NKAIN2: variants seen among roughly 807,000 people sequenced by gnomAD.
NKAIN2 encodes sodium/potassium-transporting ATPase subunit beta-1-interacting protein 2.
NKAIN2 carries 14 observed loss-of-function variants against 32.6 expected under a neutral mutation model. The ratio of observed to expected loss-of-function variants is 0.43; its 90% CI spans 0.28 to 0.67. The LOEUF (loss-of-function observed/expected upper bound fraction) is 0.67, where lower values mean the gene tolerates loss of function less well. NKAIN2 is among the 30% of genes least tolerant of loss of function. The pLI is 0.17. For synonymous variants in NKAIN2, 80 were observed against 87.2 expected, an observed-to-expected ratio of 0.92 and a Z score of 0.46; for missense variants, 198 against 258.3, an observed-to-expected ratio of 0.77 and a Z score of 1.60.
At chr6:123,945,435 T>C (rs1777020166) in intron 1 of NKAIN2, among the ~76,000 whole-genome samples, 1 of 152,126 alleles carries the variant, frequency 6.6e-6, no homozygotes, top group Admixed American at 6.6e-5. Context: ...AAAATTTAAA[T>C]CTAAGGGCCT....
chr6:123,837,213 CT>C (rs559146193), intron 1 of NKAIN2, among the ~76,000 whole-genome samples: 51 of 148,000 alleles, frequency 3.4e-4, no homozygotes, highest in African/African-American at 9.2e-4. Flanking sequence ...TTATACCTGA[CT>C]TTTTTTTTTC....
intron 1 of NKAIN2, among the ~76,000 whole-genome samples, chr6:124,147,283 A>C (rs987001784): frequency 6.6e-6 from 1 of 152,196 alleles, no homozygotes; most frequent in Non-Finnish European, 1.5e-5. Flanking sequence ...TGTTCAGGTC[A>C]TCCCTCACTA....
At chr6:124,014,348 T>C (rs949179364) in intron 1 of NKAIN2, among the ~76,000 whole-genome samples, 1 of 152,172 alleles carries the variant, frequency 6.6e-6, no homozygotes, top group African/African-American at 2.4e-5. Flanking sequence ...GACTATACAA[T>C]ATTGTAACTG....
chr6:124,275,714 C>T (rs994405281), intron 1 of NKAIN2, among the ~76,000 whole-genome samples: 1 of 151,902 alleles, frequency 6.6e-6, no homozygotes, highest in Non-Finnish European at 1.5e-5. Flanking sequence ...CATTTGTAAC[C>T]AATAGAATAA....
chr6:124,333,993 A>T (rs961017260), intron 2 of NKAIN2, among the ~76,000 whole-genome samples: 2 of 152,176 alleles, frequency 1.3e-5, no homozygotes, highest in South Asian at 2.1e-4. Context: ...TGACCATTTT[A>T]AAAAAAAGTT....
chr6:124,269,305 C>T (rs1373787924), intron 1 of NKAIN2, among the ~76,000 whole-genome samples: 1 of 152,102 alleles, frequency 6.6e-6, no homozygotes, highest in Non-Finnish European at 1.5e-5. Flanking sequence ...ACTAGGGTTA[C>T]TTCAAAGGGC....
In NKAIN2 at chr6:124,563,105, T is replaced by C. The variant is rs561266664; in HGVS notation, c.274-95081T>C. On this transcript the variant is annotated intron_variant, in intron 3 of 6. Coordinates refer to ENST00000368417, the MANE Select transcript of NKAIN2 (RefSeq NM_001040214.3). ...ATTTTTAGTAGAGACGGGGTTTCAC[T>C]GTGTTGGCCAGGCTGGTCTCAAACT... Among the ~76,000 whole-genome samples, 57 of 151,982 alleles carry C rather than the reference T, an allele frequency of 3.8e-4. 1 individual carries two copies. The South Asian group carries it at 9.4e-3, about 25-fold the overall frequency.
At chr6:124,619,380 C>T (rs1783027251) in intron 3 of NKAIN2, among the ~76,000 whole-genome samples, 1 of 152,090 alleles carries the variant, frequency 6.6e-6, no homozygotes, top group Non-Finnish European at 1.5e-5. Flanking sequence ...AGAGATATCA[C>T]ATTCCTAAGT....
chr6:124,098,440 C>T (rs1009486462), intron 1 of NKAIN2, among the ~76,000 whole-genome samples: 2 of 152,114 alleles, frequency 1.3e-5, no homozygotes, highest in African/African-American at 2.4e-5. Flanking sequence ...TTAAATAATA[C>T]ACTGTTTCTA....
intron 3 of NKAIN2, among the ~76,000 whole-genome samples, chr6:124,450,911 C>T (rs1237625608): frequency 6.6e-6 from 1 of 151,952 alleles, no homozygotes; most frequent in Non-Finnish European, 1.5e-5. Flanking sequence ...CAAATATAAT[C>T]CAAATTGCTT....
chr6:124,508,729 T>C (rs1025093933), intron 3 of NKAIN2, among the ~76,000 whole-genome samples: 8 of 152,184 alleles, frequency 5.3e-5, no homozygotes, highest in African/African-American at 1.9e-4. Context: ...TTCTGGAGGC[T>C]AGCAGTGAAA....
chr6:124,689,796 CTT>C (rs761272797), intron 4 of NKAIN2, among the ~76,000 whole-genome samples: 77 of 152,190 alleles, frequency 5.1e-4, no homozygotes, highest in South Asian at 1.2e-3. Flanking sequence ...TTTCTGGACT[CTT>C]TATTCTGTTC....
At chr6:124,575,463 T>C (rs1258717428) in intron 3 of NKAIN2, among the ~76,000 whole-genome samples, 1 of 152,236 alleles carries the variant, frequency 6.6e-6, no homozygotes, top group Non-Finnish European at 1.5e-5. Flanking sequence ...CCAAAGGTGT[T>C]TGGCCTTCTG....
chr6:124,192,984 C>T (rs961866521), intron 1 of NKAIN2, among the ~76,000 whole-genome samples: 2 of 152,154 alleles, frequency 1.3e-5, no homozygotes, highest in Admixed American at 6.5e-5. Context: ...CTCCTGACCT[C>T]GTGATCCGCT....
chr6:123,890,777 T>TTC (rs1196367164), intron 1 of NKAIN2, among the ~76,000 whole-genome samples: 1 of 152,106 alleles, frequency 6.6e-6, no homozygotes, highest in Non-Finnish European at 1.5e-5. Context: ...GTTTGGCAGT[T>TTC]TCTCAAACAG....
chr6:124,364,154 A>G (rs979565026), intron 3 of NKAIN2, among the ~76,000 whole-genome samples: 1 of 151,612 alleles, frequency 6.6e-6, no homozygotes, highest in African/African-American at 2.4e-5. Flanking sequence ...TAGATTTAAA[A>G]GAATAGAAGA....
chr6:123,912,970 G>A (rs1156993343), intron 1 of NKAIN2, among the ~76,000 whole-genome samples: 2 of 152,124 alleles, frequency 1.3e-5, no homozygotes, highest in Non-Finnish European at 2.9e-5. Flanking sequence ...GTATCCCTAA[G>A]GCGAAACCTG....
chr6:123,899,641 AGTCT>A (rs890465917), intron 1 of NKAIN2, among the ~76,000 whole-genome samples: 4 of 152,214 alleles, frequency 2.6e-5, no homozygotes, highest in African/African-American at 9.6e-5. Flanking sequence ...TCTCAAGTTT[AGTCT>A]GTCTCATGAT....
At chr6:124,819,199 T>A in intron 6 of NKAIN2, 1 of 620,026 alleles carries the variant, frequency 1.6e-6, no homozygotes, top group Non-Finnish European at 2.0e-6. Context: ...CATTTTAAAA[T>A]GTGAACTTCT....
Sources: allele counts gnomAD v4.1 joint callset (sites outside exome capture counted in the v4.1 genomes callset), GRCh38; gene constraint gnomAD v4.1.1; transcripts MANE v1.5; gene names NCBI Gene and HGNC (gene_info 2026-07-23, HGNC 2026-07-21).